UBE4B: variants seen among roughly 807,000 people sequenced by gnomAD.
The protein encoded by UBE4B is ubiquitination factor E4B.
In UBE4B, 27 loss-of-function variants were observed where a neutral mutation model predicts 148.1. The ratio of observed to expected loss-of-function variants is 0.18; its 90% CI spans 0.13 to 0.25. The LOEUF is 0.25. Ranked by LOEUF, UBE4B falls within the 10% of genes least tolerant of loss-of-function variation. The pLI, the probability that UBE4B is intolerant of heterozygous loss-of-function variation, is 1.00. For synonymous variants in UBE4B, 596 were observed against 619.3 expected (o/e 0.96, Z 0.56); for missense variants, 1,170 against 1,662.4 (o/e 0.70, Z 5.15).
chr1:10,105,797 A>T lies in UBE4B; in HGVS notation c.809+53A>T, dbSNP rs879093734. ...ACTGGTAGTAAAATAACTGTGAACT[A>T]CGTAGGAGAAGGGAATGTTTGTTGA... On this transcript the variant is annotated intron_variant, in intron 6 of 27. Coordinates refer to ENST00000343090, the MANE Select transcript of UBE4B (RefSeq NM_001105562.3). 8.5e-6 allele frequency: 13 copies of T among 1,535,362 alleles called. No homozygotes were observed. The South Asian group carries it at 1.4e-4, about 16-fold the overall frequency.
intron 17 of UBE4B, among the ~76,000 whole-genome samples, chr1:10,141,186 G>A (rs1645776996): frequency 6.6e-6 from 1 of 152,106 alleles, no homozygotes; most frequent in South Asian, 2.1e-4. Context: ...CCCACATCCT[G>A]GTCTCGGAAC....
intron 1 of UBE4B, among the ~76,000 whole-genome samples, chr1:10,039,596 A>AT (rs34204373): frequency 0.095 from 13,094 of 137,486 alleles, 754 homozygotes; most frequent in East Asian, 0.18. Context: ...TGCCCTGCTG[A>AT]TTTTTTTTTT....
chr1:10,036,521 A>T (rs1295104876), intron 1 of UBE4B, among the ~76,000 whole-genome samples: 3 of 150,762 alleles, frequency 2.0e-5, no homozygotes, highest in South Asian at 2.1e-4. Flanking sequence ...TTTTGTAGAG[A>T]CGGGGGTCTT....
intron 12 of UBE4B, among the ~76,000 whole-genome samples, chr1:10,130,126 C>A (rs561524219): frequency 6.6e-6 from 1 of 152,126 alleles, no homozygotes; most frequent in South Asian, 2.1e-4. Flanking sequence ...CAGGCTGGAG[C>A]GCAGTGGCGC....
chr1:10,135,951 T>C (rs1394930420), intron 16 of UBE4B, among the ~76,000 whole-genome samples: 1 of 152,126 alleles, frequency 6.6e-6, no homozygotes, highest in African/African-American at 2.4e-5. Flanking sequence ...CTTTTCAGGT[T>C]ATATTCCCAA....
intron 1 of UBE4B, among the ~76,000 whole-genome samples, chr1:10,066,862 C>T (rs996531447): frequency 2.6e-5 from 4 of 152,022 alleles, no homozygotes; most frequent in African/African-American, 9.7e-5. Context: ...GCCAAGATCA[C>T]GCTACCGCAC....
At chr1:10,087,965 T>C (rs914534049) in intron 2 of UBE4B, among the ~76,000 whole-genome samples, 1 of 152,248 alleles carries the variant, frequency 6.6e-6, no homozygotes, top group Non-Finnish European at 1.5e-5. Context: ...TTTTATACTT[T>C]GGGTTATGAT....
chr1:10,065,340 G>T (rs566772927), intron 1 of UBE4B, among the ~76,000 whole-genome samples: 2 of 152,110 alleles, frequency 1.3e-5, no homozygotes, highest in Non-Finnish European at 2.9e-5. Context: ...GGCAAGTGGC[G>T]GGAGGAGCAT....
intron 3 of UBE4B, among the ~76,000 whole-genome samples, chr1:10,099,668 C>T (rs1465210216): frequency 6.6e-6 from 1 of 152,142 alleles, no homozygotes; most frequent in African/African-American, 2.4e-5. Context: ...AGCAAAACCT[C>T]TTAAAGGAGA....
intron 21 of UBE4B, among the ~76,000 whole-genome samples, chr1:10,155,866 T>C (rs905739032): frequency 2.0e-5 from 3 of 151,982 alleles, no homozygotes; most frequent in Non-Finnish European, 4.4e-5. Context: ...CTACTAAAAA[T>C]ACAAAAGATT....
At chr1:10,138,648 T>C (rs934913853) in intron 17 of UBE4B, among the ~76,000 whole-genome samples, 4 of 152,194 alleles carry the variant, frequency 2.6e-5, no homozygotes, top group Non-Finnish European at 4.4e-5. Flanking sequence ...TTTTTTTTCA[T>C]GCCTTAGTGC....
At chr1:10,147,320 G>A (rs1360469042) in intron 19 of UBE4B, among the ~76,000 whole-genome samples, 4 of 152,022 alleles carry the variant, frequency 2.6e-5, no homozygotes, top group Admixed American at 2.6e-4. Flanking sequence ...TGGCGAAACC[G>A]TGTCTCTACT....
intron 5 of UBE4B, among the ~76,000 whole-genome samples, chr1:10,104,860 A>G (rs1010596964): frequency 1.3e-5 from 2 of 152,242 alleles, no homozygotes; most frequent in Non-Finnish European, 2.9e-5. Flanking sequence ...TGGCAATTTT[A>G]AATAACCAAA....
chr1:10,158,018 C>G (rs949601102), intron 21 of UBE4B, among the ~76,000 whole-genome samples: 6 of 152,136 alleles, frequency 3.9e-5, no homozygotes, highest in Admixed American at 1.3e-4. Context: ...ATTTGAGGTG[C>G]CATAGAATTT....
Position 10,096,495 on chromosome 1 carries a change from G to A in UBE4B, c.347+899G>A, listed in dbSNP as rs898153854. ...GCCTGTAATCCTAGCACTTTGGGAG[G>A]CCGAGGCAGGTGGATCACTTGAGGT... On this transcript the variant is annotated intron_variant, in intron 3 of 27. Coordinates refer to ENST00000343090, the MANE Select transcript of UBE4B (RefSeq NM_001105562.3). Among the ~76,000 whole-genome samples the A allele has an allele frequency of 3.9e-5, 6 of 151,952 alleles. No homozygotes were observed. In the South Asian group the frequency reaches 1.0e-3, roughly 26 times the overall value.
At chr1:10,044,376 A>G (rs1012398543) in intron 1 of UBE4B, among the ~76,000 whole-genome samples, 12 of 151,044 alleles carry the variant, frequency 7.9e-5, no homozygotes, top group African/African-American at 2.2e-4. Context: ...TTAATTGCCA[A>G]ACACCACCAA....
chr1:10,150,369 A>G (rs1476684352), intron 20 of UBE4B, among the ~76,000 whole-genome samples: 2 of 152,222 alleles, frequency 1.3e-5, no homozygotes, highest in South Asian at 2.1e-4. Context: ...CAGTGATACA[A>G]AAGACACCTA....
chr1:10,096,673 G>A (rs1644933076), intron 3 of UBE4B, among the ~76,000 whole-genome samples: 1 of 152,074 alleles, frequency 6.6e-6, no homozygotes, highest in Non-Finnish European at 1.5e-5. Context: ...AGTGAACCAA[G>A]ATTGTGCCAC....
At chr1:10,068,494 C>T (rs865876874) in intron 1 of UBE4B, among the ~76,000 whole-genome samples, 2 of 151,244 alleles carry the variant, frequency 1.3e-5, no homozygotes, top group African/African-American at 2.4e-5. Context: ...GGATTATGGG[C>T]GCGTGCCACC....
Sources: allele counts gnomAD v4.1 joint callset (sites outside exome capture counted in the v4.1 genomes callset), GRCh38; gene constraint gnomAD v4.1.1; transcripts MANE v1.5; gene names NCBI Gene and HGNC (gene_info 2026-07-23, HGNC 2026-07-21).